PIGL: variants seen among roughly 807,000 people sequenced by gnomAD.
The protein encoded by PIGL is N-acetylglucosaminyl-phosphatidylinositol de-N-acetylase.
In PIGL, 22 loss-of-function variants were observed where a neutral mutation model predicts 31.1. The observed-to-expected ratio is 0.71, with a 90% CI of 0.51 to 1.01. The LOEUF (loss-of-function observed/expected upper bound fraction) is 1.01. Among genes scored for constraint, PIGL ranks in the 50% least tolerant of loss-of-function variants. PIGL has a pLI of 0.00. For missense variants in PIGL, 302 were observed against 315.9 expected (o/e 0.96, Z 0.33); for synonymous variants, 131 against 117.4 (o/e 1.12, Z -0.75).
intron 2 of PIGL, among the ~76,000 whole-genome samples, chr17:16,249,651 G>A (rs1204848143): frequency 6.6e-6 from 1 of 152,204 alleles, no homozygotes; most frequent in East Asian, 1.9e-4. Flanking sequence ...GAAACAAGCA[G>A]GCCACTGGTA....
In PIGL at chr17:16,270,866, C is replaced by T. The variant is rs1448006752; in HGVS notation, c.336-29022C>T. On this transcript the variant is annotated intron_variant, in intron 2 of 6. Transcript: ENST00000225609. ...CGAGATCGCGCAACTGCATTCCAGC[C>T]TGTGCGACAGAGCGAGACTGTCTCA... Among the ~76,000 whole-genome samples the T allele has an allele frequency of 2.7e-5, 4 of 150,834 alleles. No homozygotes were observed. The East Asian group carries it at 7.8e-4, about 29-fold the overall frequency.
intron 2 of PIGL, among the ~76,000 whole-genome samples, chr17:16,296,955 C>T (rs1204736795): frequency 1.3e-5 from 2 of 152,020 alleles, no homozygotes; most frequent in African/African-American, 2.4e-5. Context: ...CTCCTGACCT[C>T]GTGATCCGCC....
chr17:16,234,139 A>G, intron 2 of PIGL, 69 bp downstream of exon 2: 1 of 869,604 alleles, frequency 1.1e-6, no homozygotes, highest in South Asian at 1.4e-5. Context: ...CAAAAGACAC[A>G]CAAAAAACTA....
intron 2 of PIGL, among the ~76,000 whole-genome samples, chr17:16,239,697 G>C (rs1049866312): frequency 6.6e-6 from 1 of 152,120 alleles, no homozygotes; most frequent in African/African-American, 2.4e-5. Context: ...GATCAAGATT[G>C]TAGATGAGTC....
intron 2 of PIGL, among the ~76,000 whole-genome samples, chr17:16,297,091 G>T (rs58020313): frequency 0.011 from 1,654 of 152,324 alleles, 37 homozygotes; most frequent in African/African-American, 0.037. Context: ...GAAAGGAAGT[G>T]AATCAAAATA....
intron 5 of PIGL, 67 bp downstream of exon 5, chr17:16,316,779 A>G (rs2093079200): frequency 6.3e-7 from 1 of 1,597,548 alleles, no homozygotes; most frequent in Non-Finnish European, 8.6e-7. Flanking sequence ...TGAGGGGGAA[A>G]TTTGCAAATC....
At chr17:16,299,388 G>A (rs548476220) in intron 2 of PIGL, among the ~76,000 whole-genome samples, 1 of 151,534 alleles carries the variant, frequency 6.6e-6, no homozygotes, top group Admixed American at 6.6e-5. Context: ...AGGTTGTAGT[G>A]AGCCGAGATC....
intron 2 of PIGL, among the ~76,000 whole-genome samples, chr17:16,246,831 G>T (rs914305521): frequency 6.6e-6 from 1 of 150,398 alleles, no homozygotes. Flanking sequence ...GACTACAGGC[G>T]CCCGCCACCG....
intron 1 of PIGL, among the ~76,000 whole-genome samples, chr17:16,233,691 C>T (rs2092688014): frequency 6.6e-6 from 1 of 152,034 alleles, no homozygotes; most frequent in African/African-American, 2.4e-5. Flanking sequence ...GGCTGTGTAC[C>T]ATGCTGCCTC....
rs1197171634 is a variant in PIGL at position 16,246,672 on chromosome 17, C to CTTTT, written c.335+12623_335+12626dup. Among the ~76,000 whole-genome samples, 16 of 64,176 alleles carry CTTTT rather than the reference C, an allele frequency of 2.5e-4. 2 individuals are homozygous for CTTTT. Among genetic ancestry groups the CTTTT allele is most frequent in the Non-Finnish European group, 3.1e-4 (10 of 32,470 alleles). The allele number at this position is 64,176 out of a possible 152,430, so 42.1% of individuals were successfully genotyped here. A position where few individuals can be genotyped will look rare whatever the true frequency, so the allele number is the denominator to read the frequency against. On this transcript the variant is annotated intron_variant, in intron 2 of 6. Coordinates refer to ENST00000225609, the MANE Select transcript of PIGL (RefSeq NM_004278.4). ...GCAGGCTAGAAGTCCAGATCAAGGT[C>CTTTT]TTTTTTTTTTTTTTTTTTTTTTTTG...
At chr17:16,312,773 CA>C (rs2093059504) in intron 3 of PIGL, 1 of 156,046 alleles carries the variant, frequency 6.4e-6, no homozygotes. Flanking sequence ...ATACGAAAAC[CA>C]GTCAGGCGTG....
intron 3 of PIGL, chr17:16,312,858 C>G (rs1412169677): frequency 2.1e-5 from 3 of 141,964 alleles, no homozygotes; most frequent in African/African-American, 7.9e-5. Flanking sequence ...TGCAGTAAGC[C>G]GAGATGGCAG....
chr17:16,217,401 C>G lies in PIGL; in HGVS notation c.175C>G (p.Pro59Ala). 3 of 1,614,174 alleles carry G rather than the reference C, an allele frequency of 1.9e-6. No individual in the cohort carries two copies. The highest frequency in any genetic ancestry group is 2.5e-6 in the Non-Finnish European group (3 of 1,180,026). Residue 59 changes from proline to alanine, a missense_variant, in exon 1 of 7, where the codon CCC becomes GCC. Pro to Ala is a conservative substitution (Grantham distance 27). Transcript: ENST00000225609. ...TGACGATGAAGCCATGTTTTTTGCT[C>G]CCACAGTGCTAGGCTTGGCCCGCCT... ...HPDDEAMFFA[P>A]TVLGLARLRH...
At chr17:16,307,425 TG>T (rs2093030640) in intron 3 of PIGL, among the ~76,000 whole-genome samples, 1 of 152,234 alleles carries the variant, frequency 6.6e-6, no homozygotes, top group South Asian at 2.1e-4. Context: ...GTTTCCAGCC[TG>T]TGCTGTGCAC....
At chr17:16,295,048 T>C (rs911860005) in intron 2 of PIGL, among the ~76,000 whole-genome samples, 1 of 152,208 alleles carries the variant, frequency 6.6e-6, no homozygotes, top group Non-Finnish European at 1.5e-5. Context: ...GTCTCCATTT[T>C]CTTGGTTAGA....
chr17:16,234,767 A>AAAT (rs1005792823), intron 2 of PIGL, among the ~76,000 whole-genome samples: 1 of 152,178 alleles, frequency 6.6e-6, no homozygotes, highest in African/African-American at 2.4e-5. Flanking sequence ...TCCGTCTCAA[A>AAAT]AATAATAATA....
intron 2 of PIGL, among the ~76,000 whole-genome samples, chr17:16,275,703 G>T (rs2092892143): frequency 6.6e-6 from 1 of 152,078 alleles, no homozygotes; most frequent in African/African-American, 2.4e-5. Flanking sequence ...TCTTGTATTT[G>T]GGGTAGAGAG....
intron 2 of PIGL, among the ~76,000 whole-genome samples, chr17:16,260,124 G>T (rs1355001560): frequency 2.0e-5 from 3 of 152,198 alleles, no homozygotes; most frequent in East Asian, 3.9e-4. Flanking sequence ...GGCCGAGGGG[G>T]TGCTGAGGGC....
At chr17:16,276,720 A>T (rs2092897394) in intron 2 of PIGL, among the ~76,000 whole-genome samples, 1 of 152,232 alleles carries the variant, frequency 6.6e-6, no homozygotes, top group Admixed American at 6.5e-5. Flanking sequence ...CTGGGTGACA[A>T]GAGTGAGACT....
Sources: gnomAD v4.1 joint callset for allele counts (sites outside exome capture counted in the v4.1 genomes callset) on GRCh38, gnomAD v4.1.1 for gene constraint, MANE v1.5 for transcripts, NCBI Gene and HGNC (gene_info 2026-07-23, HGNC 2026-07-21) for gene names.